TINAG: variants seen among roughly 807,000 people sequenced by gnomAD.
The protein encoded by TINAG is tubulointerstitial nephritis antigen.
A neutral mutation model predicts 72.7 loss-of-function variants in TINAG; 83 were observed. The ratio of observed to expected loss-of-function variants is 1.14; its 90% confidence interval spans 0.96 to 1.37. TINAG has a LOEUF of 1.37. Ranked by LOEUF, TINAG falls within the 40% of genes most tolerant of loss-of-function variation. The pLI, the probability that TINAG is intolerant of heterozygous loss-of-function variation, is 0.00. For missense variants in TINAG, 685 were observed against 576.6 expected, an observed-to-expected ratio of 1.19 and a Z score of -1.93; for synonymous variants, 234 against 189.9, an observed-to-expected ratio of 1.23 and a Z score of -1.91.
At chr6:54,387,665 A>G (rs1458381280) in intron 10 of TINAG, among the ~76,000 whole-genome samples, 1 of 152,166 alleles carries the variant, frequency 6.6e-6, no homozygotes, top group African/African-American at 2.4e-5. Context: ...TAAATTTACT[A>G]AGTTGTATAC....
In TINAG at chr6:54,326,653, A is replaced by G. The variant is rs113634035; in HGVS notation, c.510-149A>G. 411 of 557,662 alleles carry G rather than the reference A, an allele frequency of 7.4e-4. 1 individual carries two copies. Among genetic ancestry groups the G allele is most frequent in the Admixed American group, 6.9e-4 (18 of 26,272 alleles). The allele number at this position is 557,662 out of a possible 1,614,324, so 34.5% of individuals were successfully genotyped here. On this transcript the variant is annotated intron_variant, in intron 3 of 10. Coordinates refer to ENST00000259782, the MANE Select transcript of TINAG (RefSeq NM_014464.4). Reference sequence around the variant, plus strand: ...ATAAAATAATCAATAATGCATCATTATATAAAGAATATCTAGCCTGTGACA... The same window carrying G: ...ATAAAATAATCAATAATGCATCATTGTATAAAGAATATCTAGCCTGTGACA...
chr6:54,342,251 T>G (rs1785014118), intron 4 of TINAG, among the ~76,000 whole-genome samples: 1 of 152,188 alleles, frequency 6.6e-6, no homozygotes, highest in African/African-American at 2.4e-5. Flanking sequence ...GTTTACAATT[T>G]AGTTGGCTTC....
At chr6:54,317,941 C>T (rs1035738649) in intron 1 of TINAG, among the ~76,000 whole-genome samples, 12 of 151,990 alleles carry the variant, frequency 7.9e-5, no homozygotes, top group African/African-American at 2.7e-4. Flanking sequence ...GTGTTCTTGG[C>T]CTCTCGACAG....
chr6:54,336,400 C>T (rs1452549992), intron 4 of TINAG, among the ~76,000 whole-genome samples: 1 of 151,758 alleles, frequency 6.6e-6, no homozygotes, highest in Non-Finnish European at 1.5e-5. Context: ...AGGTGTAGGC[C>T]TGGATTTATT....
chr6:54,380,980 G>GATATAT lies in TINAG; in HGVS notation c.1296+418_1296+423dup, dbSNP rs10639072. ...ATATCCTATAGGATATAACCTATAG[G>GATATAT]ATATATATATATATTTATATGGCAT... On this transcript the variant is annotated intron_variant, in intron 10 of 10. Coordinates refer to ENST00000259782, the MANE Select transcript of TINAG (RefSeq NM_014464.4). 1.8e-3 allele frequency among the ~76,000 whole-genome samples: 253 copies of GATATAT among 142,270 alleles called. 5 individuals carry two copies. The highest frequency in any genetic ancestry group is 5.7e-3 in the African/African-American group (222 of 38,642). 93.3% of individuals were successfully genotyped at this position (142,270 alleles called of 152,430 possible). A position where few individuals can be genotyped will look rare whatever the true frequency, so the allele number is the denominator to read the frequency against.
intron 9 of TINAG, among the ~76,000 whole-genome samples, chr6:54,363,664 G>C (rs183234578): frequency 1.9e-3 from 279 of 150,388 alleles, no homozygotes; most frequent in African/African-American, 6.6e-3. Flanking sequence ...TCACAGGAGA[G>C]AGAAAAGTTG....
chr6:54,343,712 C>T (rs9296752), intron 5 of TINAG, among the ~76,000 whole-genome samples: 1,637 of 151,676 alleles, frequency 0.011, 26 homozygotes, highest in African/African-American at 0.037. Context: ...GACACACCCA[C>T]GTAATCCTCA....
rs77066729 is a variant in TINAG at position 54,345,748 on chromosome 6, G to A, written c.749-1619G>A. On this transcript the variant is annotated intron_variant, in intron 5 of 10. Coordinates refer to ENST00000259782, the MANE Select transcript of TINAG (RefSeq NM_014464.4). ...GATGGGAATTTAGTAGGGAGCTGGAGGTTATAGATTTAACACATATTGAGC... is the reference window on the plus strand; with the variant it reads ...GATGGGAATTTAGTAGGGAGCTGGAAGTTATAGATTTAACACATATTGAGC... Among the ~76,000 whole-genome samples, 685 of 152,104 alleles carry A rather than the reference G, an allele frequency of 4.5e-3. 3 individuals carry two copies. Among genetic ancestry groups the A allele is most frequent in the African/African-American group, 0.015 (605 of 41,520 alleles).
At chr6:54,308,389 T>A, upstream of TINAG, 1 of 653,956 alleles carries the variant, frequency 1.5e-6, no homozygotes, top group Non-Finnish European at 2.6e-6. Context: ...AATTCTTGAT[T>A]AATGTTTAAC....
intron 1 of TINAG, among the ~76,000 whole-genome samples, chr6:54,318,669 G>A (rs1427118874): frequency 1.3e-5 from 2 of 152,114 alleles, no homozygotes; most frequent in Non-Finnish European, 2.9e-5. Flanking sequence ...ACGACTTGAA[G>A]ATTTTAAGTA....
intron 10 of TINAG, among the ~76,000 whole-genome samples, chr6:54,388,524 C>T (rs1178733706): frequency 1.3e-5 from 2 of 152,106 alleles, no homozygotes; most frequent in Non-Finnish European, 2.9e-5. Context: ...AAGCTCAATT[C>T]GACACCTTAT....
intron 9 of TINAG, among the ~76,000 whole-genome samples, chr6:54,374,229 G>A (rs1763714723): frequency 6.6e-6 from 1 of 152,024 alleles, no homozygotes; most frequent in African/African-American, 2.4e-5. Flanking sequence ...AGGTACACAG[G>A]ATCATGTGTG....
intron 9 of TINAG, among the ~76,000 whole-genome samples, chr6:54,371,783 T>C (rs1763615434): frequency 6.6e-6 from 1 of 151,946 alleles, no homozygotes; most frequent in Non-Finnish European, 1.5e-5. Context: ...CTCTATTGGA[T>C]TGCATTAAAT....
intron 10 of TINAG, 99 bp from the exon 11 acceptor site, chr6:54,389,692 A>G: frequency 7.1e-7 from 1 of 1,401,312 alleles, no homozygotes. Context: ...TCTATGATAA[A>G]TCAAAGGCAT....
intron 5 of TINAG, 24 bp downstream of exon 5, chr6:54,343,373 T>C: frequency 6.7e-7 from 1 of 1,492,302 alleles, no homozygotes; most frequent in Non-Finnish European, 9.0e-7. Context: ...TTTAATTCCT[T>C]CCTTATAAAC....
rs1168809941 is a variant in TINAG, at chr6:54,370,544, A to AC, written c.1251-9980dup. ...AAATTTTATTGAGTGATGGTTGTGTACCAGGCATCCTGCTAGTGCTGGAGA... is the reference window on the plus strand; with the variant it reads ...AAATTTTATTGAGTGATGGTTGTGTACCCAGGCATCCTGCTAGTGCTGGAGA... On this transcript the variant is annotated intron_variant, in intron 9 of 10. Transcript: ENST00000259782. Among the ~76,000 whole-genome samples, 5 of 152,092 alleles carry AC rather than the reference A, an allele frequency of 3.3e-5. No homozygotes were observed. In the East Asian group the frequency reaches 9.6e-4, roughly 29 times the overall value.
chr6:54,343,572 A>G (rs1785052538), intron 5 of TINAG, among the ~76,000 whole-genome samples: 1 of 151,724 alleles, frequency 6.6e-6, no homozygotes, highest in African/African-American at 2.4e-5. Flanking sequence ...TTAAATAGAG[A>G]GCGAATCAAA....
intron 10 of TINAG, 69 bp downstream of exon 10, chr6:54,380,640 A>G: frequency 1.6e-6 from 2 of 1,289,182 alleles, no homozygotes. Context: ...TTCCTCTGCT[A>G]CCTGCTTTGT....
intron 1 of TINAG, among the ~76,000 whole-genome samples, chr6:54,313,810 T>A (rs952217332): frequency 6.6e-6 from 1 of 152,202 alleles, no homozygotes; most frequent in Admixed American, 6.5e-5. Flanking sequence ...GCATACTTTT[T>A]CATACATAGT....
Sources: allele counts gnomAD v4.1 joint callset (sites outside exome capture counted in the v4.1 genomes callset), GRCh38; gene constraint gnomAD v4.1.1; transcripts MANE v1.5; gene names NCBI Gene and HGNC (gene_info 2026-07-23, HGNC 2026-07-21).